CYP4X1: variants seen among roughly 807,000 people sequenced by gnomAD.
The protein encoded by CYP4X1 is cytochrome P450 4X1.
CYP4X1 carries 44 observed loss-of-function variants against 57.9 expected under a neutral mutation model. The ratio of observed to expected loss-of-function variants is 0.76; its 90% CI spans 0.60 to 0.98. The LOEUF is 0.98. Ranked by LOEUF, CYP4X1 falls within the 50% of genes least tolerant of loss-of-function variation. CYP4X1 has a pLI of 0.00. For missense variants in CYP4X1, 532 were observed against 623.9 expected (o/e 0.85, Z 1.57); for synonymous variants, 227 against 228.6 (o/e 0.99, Z 0.06).
At chr1:46,996,828 G>A in the CYP4X1 span, among the ~76,000 whole-genome samples, 10 of 152,248 alleles carry the variant, frequency 6.6e-5, no homozygotes, top group East Asian at 1.9e-4. Flanking sequence ...GGACAAACGA[G>A]GGAGAGTAGG....
At position 47,050,314 on chromosome 1, in the gene CYP4X1, A is replaced by T; in HGVS notation, c.*140A>T. On this transcript the variant is annotated 3_prime_UTR_variant, in exon 12 of 12. Coordinates refer to ENST00000371901, the MANE Select transcript of CYP4X1 (RefSeq NM_178033.2). ...ATAGGGGTCTCTGTGAAGAGATCCA[A>T]AATCATTTCTAGGTACACAGTGTGT... 3.6e-6 allele frequency: 3 copies of T among 836,354 alleles called. No homozygotes were observed. In the South Asian group the frequency reaches 5.2e-5, roughly 15 times the overall value. The allele number at this position is 836,354 out of a possible 1,614,324, so 51.8% of individuals were successfully genotyped here.
chr1:47,005,673 TC>T, the CYP4X1 span, among the ~76,000 whole-genome samples: 8 of 152,338 alleles, frequency 5.3e-5, no homozygotes, highest in Admixed American at 2.6e-4. Context: ...ATTTTCAAGT[TC>T]AGGTAACTTA....
At chr1:46,994,911 T>C in the CYP4X1 span, among the ~76,000 whole-genome samples, 1 of 152,236 alleles carries the variant, frequency 6.6e-6, no homozygotes, top group South Asian at 2.1e-4. Flanking sequence ...TATTATTACC[T>C]GGATTTCAGT....
At chr1:47,045,426 T>C (rs1408320731) in intron 8 of CYP4X1, among the ~76,000 whole-genome samples, 2 of 152,230 alleles carry the variant, frequency 1.3e-5, no homozygotes, top group Non-Finnish European at 2.9e-5. Flanking sequence ...GTAAGTCTCA[T>C]AGAGTTCTCA....
the CYP4X1 span, among the ~76,000 whole-genome samples, chr1:46,986,769 C>A: frequency 1.3e-5 from 2 of 152,046 alleles, no homozygotes; most frequent in Non-Finnish European, 2.9e-5. Flanking sequence ...CTTTCATCTC[C>A]AACCAAGCTA....
chr1:46,964,356 C>T, the CYP4X1 span, among the ~76,000 whole-genome samples: 14 of 152,174 alleles, frequency 9.2e-5, no homozygotes, highest in African/African-American at 3.4e-4. Context: ...CTGTTTTATC[C>T]CCTTCTTTGT....
At chr1:46,978,478 C>T in the CYP4X1 span, among the ~76,000 whole-genome samples, 140 of 152,122 alleles carry the variant, frequency 9.2e-4, 1 homozygote, top group African/African-American at 3.2e-3. Flanking sequence ...ATTCATAAAG[C>T]AAGTCCTTAG....
At chr1:47,031,180 G>A (rs1644120128) in intron 2 of CYP4X1, among the ~76,000 whole-genome samples, 1 of 152,228 alleles carries the variant, frequency 6.6e-6, no homozygotes, top group Non-Finnish European at 1.5e-5. Flanking sequence ...TGTTCTTGTT[G>A]GAGGAAGTGT....
At chr1:46,978,994 A>G in the CYP4X1 span, among the ~76,000 whole-genome samples, 1 of 152,250 alleles carries the variant, frequency 6.6e-6, no homozygotes, top group African/African-American at 2.4e-5. Flanking sequence ...AGGGAAATTT[A>G]TAGCACTAAA....
the CYP4X1 span, among the ~76,000 whole-genome samples, chr1:46,980,166 A>T: frequency 6.6e-6 from 1 of 152,246 alleles, no homozygotes; most frequent in African/African-American, 2.4e-5. Flanking sequence ...GTATTCAGTT[A>T]GGAAAAGATG....
In CYP4X1 at chr1:47,039,528, A is replaced by G. The variant is rs766561235; in HGVS notation, c.1069A>G (p.Thr357Ala). ...RGILGDGSSITWDQLGEMSYT... is the reference protein window; with the variant it reads ...RGILGDGSSIAWDQLGEMSYT... ...CATCCTGGGGGATGGGTCTTCTATC[A>G]CTTGGTAAGATCTGCACCCCTAAAT... The change falls in exon 8 of 12, where the codon ACT (threonine) becomes GCT (alanine). Residue 357 changes from threonine (T) to alanine (A), a missense_variant. By Grantham distance (58) the Thr-to-Ala change is moderately conservative. Coordinates refer to ENST00000371901, the MANE Select transcript of CYP4X1 (RefSeq NM_178033.2). The G allele has an allele frequency of 1.2e-6, 2 of 1,601,316 alleles. No homozygotes were observed. Among genetic ancestry groups the G allele is most frequent in the Admixed American group, 3.5e-5 (2 of 56,704 alleles).
At chr1:47,008,792 T>A in the CYP4X1 span, among the ~76,000 whole-genome samples, 1 of 152,046 alleles carries the variant, frequency 6.6e-6, no homozygotes, top group Non-Finnish European at 1.5e-5. Context: ...TAAAACAGAC[T>A]TTAAACCAAC....
chr1:47,037,924 T>C (rs74076309), intron 6 of CYP4X1, among the ~76,000 whole-genome samples: 6,299 of 152,230 alleles, frequency 0.041, 423 homozygotes, highest in African/African-American at 0.14. Context: ...AAGTTTATCT[T>C]TTCAAGTGAT....
At chr1:47,003,373 G>A in the CYP4X1 span, among the ~76,000 whole-genome samples, 1 of 152,192 alleles carries the variant, frequency 6.6e-6, no homozygotes, top group African/African-American at 2.4e-5. Flanking sequence ...TGGGTGAACT[G>A]TATGGCTCAG....
chr1:46,977,620 A>C, the CYP4X1 span, among the ~76,000 whole-genome samples: 3 of 152,074 alleles, frequency 2.0e-5, no homozygotes, highest in African/African-American at 7.3e-5. Flanking sequence ...CAGGAAATAC[A>C]GAGACCAACA....
chr1:46,990,540 C>T, the CYP4X1 span, among the ~76,000 whole-genome samples: 53 of 152,248 alleles, frequency 3.5e-4, 1 homozygote, highest in African/African-American at 1.1e-3. Flanking sequence ...CCCAGCAATC[C>T]GATTACTGGG....
the CYP4X1 span, among the ~76,000 whole-genome samples, chr1:46,982,530 A>G: frequency 6.6e-6 from 1 of 152,070 alleles, no homozygotes; most frequent in African/African-American, 2.4e-5. Flanking sequence ...TAGTGTAGTC[A>G]ATTGGCTTTG....
intron 4 of CYP4X1, among the ~76,000 whole-genome samples, chr1:47,034,963 A>C (rs2148509165): frequency 6.6e-6 from 1 of 151,884 alleles, no homozygotes; most frequent in African/African-American, 2.4e-5. Context: ...AAACTTACGT[A>C]ATTGAGAAAA....
the CYP4X1 span, among the ~76,000 whole-genome samples, chr1:47,012,172 A>G: frequency 1.3e-5 from 2 of 152,234 alleles, no homozygotes; most frequent in Admixed American, 6.5e-5. Flanking sequence ...ATGTCCAACA[A>G]TGATAGACTG....
Sources: gnomAD v4.1 joint callset for allele counts (sites outside exome capture counted in the v4.1 genomes callset) on GRCh38, gnomAD v4.1.1 for gene constraint, MANE v1.5 for transcripts, NCBI Gene and HGNC (gene_info 2026-07-23, HGNC 2026-07-21) for gene names.